FLI1: variants seen among roughly 807,000 people sequenced by gnomAD.
FLI1 encodes Friend leukemia integration 1 transcription factor.
FLI1 carries 13 observed loss-of-function variants against 53.1 expected under a neutral mutation model. The ratio of observed to expected loss-of-function variants is 0.24; its 90% confidence interval spans 0.16 to 0.39. The LOEUF (loss-of-function observed/expected upper bound fraction) is 0.39, where lower values mean the gene tolerates loss of function less well. Among genes scored for constraint, FLI1 ranks in the 10% least tolerant of loss-of-function variants. The pLI, the probability that FLI1 is intolerant of heterozygous loss-of-function variation, is 1.00. For synonymous variants in FLI1, 244 were observed against 236.7 expected, an observed-to-expected ratio of 1.03 and a Z score of -0.28; for missense variants, 424 against 600.5, an observed-to-expected ratio of 0.71 and a Z score of 3.07.
At chr11:128,708,673 C>T (rs957071097) in intron 1 of FLI1, among the ~76,000 whole-genome samples, 1 of 152,122 alleles carries the variant, frequency 6.6e-6, no homozygotes, top group Non-Finnish European at 1.5e-5. Flanking sequence ...TGAGTTTCTT[C>T]AAGAAAAGCG....
At chr11:128,754,145 T>C (rs1270815100) in intron 1 of FLI1, among the ~76,000 whole-genome samples, 1 of 152,188 alleles carries the variant, frequency 6.6e-6, no homozygotes, top group Non-Finnish European at 1.5e-5. Flanking sequence ...CTTCTCTCTC[T>C]TCACAGCCCC....
At chr11:128,777,204 C>A (rs1941757302) in intron 4 of FLI1, among the ~76,000 whole-genome samples, 1 of 152,200 alleles carries the variant, frequency 6.6e-6, no homozygotes, top group African/African-American at 2.4e-5. Context: ...GCAGTTCAGG[C>A]TCAGGGCCGC....
chr11:128,742,397 T>C (rs982386395), intron 1 of FLI1, among the ~76,000 whole-genome samples: 1 of 152,214 alleles, frequency 6.6e-6, no homozygotes, highest in Non-Finnish European at 1.5e-5. Context: ...GTGTGACAAA[T>C]CTGTTTTATG....
At chr11:128,737,459 G>A (rs766837761) in intron 1 of FLI1, among the ~76,000 whole-genome samples, 1 of 152,172 alleles carries the variant, frequency 6.6e-6, no homozygotes, top group African/African-American at 2.4e-5. Flanking sequence ...ATGAGTTCTA[G>A]AACTTGAACA....
Position 128,687,989 on chromosome 11 carries a change from G to T in FLI1, c.-203+1288G>T, listed in dbSNP as rs956140392. 4.6e-5 allele frequency among the ~76,000 whole-genome samples: 7 copies of T among 152,300 alleles called. No individual in the cohort carries two copies. The East Asian group carries it at 1.3e-3, about 29-fold the overall frequency. Reference sequence around the variant, plus strand: ...ATACTTTAAGGTTAGACTAAGGCGCGCACGGATTCGCTGTCCCCAGTTTTC... The same window carrying T: ...ATACTTTAAGGTTAGACTAAGGCGCTCACGGATTCGCTGTCCCCAGTTTTC... On this transcript the variant is annotated intron_variant, in intron 1 of 6. Transcript: ENST00000344954.
chr11:128,767,027 G>C lies in FLI1; in HGVS notation c.231-1091G>C, dbSNP rs148476777. Reference sequence around the variant, plus strand: ...TGAGCAGCGGGCACTGGGTGTGACAGGGTGGCACCTCCCCCAAGTATGCTG... The same window carrying C: ...TGAGCAGCGGGCACTGGGTGTGACACGGTGGCACCTCCCCCAAGTATGCTG... On this transcript the variant is annotated intron_variant, in intron 2 of 8. Transcript: ENST00000527786. Among the ~76,000 whole-genome samples the C allele has an allele frequency of 5.7e-3, 861 of 152,132 alleles. 6 individuals carry two copies. Among genetic ancestry groups the C allele is most frequent in the Non-Finnish European group, 7.7e-3 (526 of 67,974 alleles).
chr11:128,709,944 T>C (rs1376499321), intron 1 of FLI1, among the ~76,000 whole-genome samples: 1 of 152,224 alleles, frequency 6.6e-6, no homozygotes, highest in Non-Finnish European at 1.5e-5. Flanking sequence ...GTGTAAATGC[T>C]ACTAATAGGT....
intron 2 of FLI1, among the ~76,000 whole-genome samples, chr11:128,766,982 C>T (rs1297306564): frequency 9.1e-6 from 1 of 109,912 alleles, no homozygotes; most frequent in African/African-American, 2.7e-5. Context: ...CTCCTTTGGT[C>T]CTGCTGCTGC....
intron 3 of FLI1, among the ~76,000 whole-genome samples, chr11:128,770,867 T>TGA (rs962439830): frequency 6.6e-6 from 1 of 151,908 alleles, no homozygotes; most frequent in African/African-American, 2.4e-5. Flanking sequence ...GAAATGTATC[T>TGA]GAGAGAGAGA....
At chr11:128,721,239 T>A (rs1029657606) in intron 1 of FLI1, among the ~76,000 whole-genome samples, 2 of 152,200 alleles carry the variant, frequency 1.3e-5, no homozygotes, top group African/African-American at 4.8e-5. Flanking sequence ...TTGATTCACA[T>A]GGTGCCATCC....
intron 4 of FLI1, among the ~76,000 whole-genome samples, chr11:128,781,324 A>G (rs2246290): frequency 0.19 from 29,325 of 152,154 alleles, 4,605 homozygotes; most frequent in African/African-American, 0.43. Flanking sequence ...TAAACCCAGA[A>G]GATACCACAG....
intron 1 of FLI1, among the ~76,000 whole-genome samples, chr11:128,724,748 C>T (rs1420896747): frequency 6.6e-6 from 1 of 152,136 alleles, no homozygotes; most frequent in African/African-American, 2.4e-5. Context: ...CTAGGAGAGG[C>T]ACAAGGGTTT....
intron 5 of FLI1, among the ~76,000 whole-genome samples, chr11:128,783,172 A>G (rs1190877893): frequency 2.0e-5 from 3 of 152,214 alleles, no homozygotes; most frequent in African/African-American, 7.2e-5. Flanking sequence ...GATCAGTTAC[A>G]TATAGCACAG....
rs56310538 is a variant in FLI1 at position 128,703,864 on chromosome 11, C to CA, written c.18+9591dup. 1.8e-3 allele frequency among the ~76,000 whole-genome samples: 183 copies of CA among 104,214 alleles called. 2 individuals carry two copies. The highest frequency in any genetic ancestry group is 5.7e-3 in the African/African-American group (165 of 28,958). The allele number at this position is 104,214 out of a possible 152,430, so 68.4% of individuals were successfully genotyped here. A position where few individuals can be genotyped will look rare whatever the true frequency, so the allele number is the denominator to read the frequency against. On this transcript the variant is annotated intron_variant, in intron 1 of 8. Coordinates refer to ENST00000527786, the MANE Select transcript of FLI1 (RefSeq NM_002017.5). ...TCTCAAAAAAAAAAAAAAAAAAAAA[C>CA]AAACGTTAAGAGAGACACAGAAACA... is the stretch of plus-strand genomic sequence containing the variant.
At chr11:128,795,399 A>G (rs1356478268) in intron 5 of FLI1, among the ~76,000 whole-genome samples, 2 of 152,154 alleles carry the variant, frequency 1.3e-5, no homozygotes, top group Middle Eastern at 3.2e-3. Context: ...TTCAGTAAAT[A>G]CCATTGAATA....
chr11:128,764,784 G>A, intron 2 of FLI1: 1 of 1,593,280 alleles, frequency 6.3e-7, no homozygotes, highest in East Asian at 2.2e-5. Context: ...CTTGGGAGCT[G>A]CAAGAATGGA....
In FLI1 at chr11:128,788,874, C is replaced by G. The variant is rs116845149; in HGVS notation, c.655+6851C>G. On this transcript the variant is annotated intron_variant, in intron 5 of 8. Transcript: ENST00000527786. ...AGAATACCAGGCTGAGCCCTAAAACCATGGTGAACACAGCACACTACCTAC... is the reference window on the plus strand; with the variant it reads ...AGAATACCAGGCTGAGCCCTAAAACGATGGTGAACACAGCACACTACCTAC... 7.9e-5 allele frequency among the ~76,000 whole-genome samples: 12 copies of G among 152,226 alleles called. No homozygotes were observed. In the East Asian group the frequency reaches 2.3e-3, roughly 29 times the overall value.
intron 1 of FLI1, among the ~76,000 whole-genome samples, chr11:128,704,469 C>A (rs1162198763): frequency 6.6e-6 from 1 of 152,162 alleles, no homozygotes; most frequent in East Asian, 1.9e-4. Flanking sequence ...AATTTGGTCT[C>A]ATTTAAAACC....
chr11:128,732,002 C>CAAA (rs10641944), intron 1 of FLI1, among the ~76,000 whole-genome samples: 28 of 144,908 alleles, frequency 1.9e-4, no homozygotes, highest in African/African-American at 6.6e-4. Context: ...GACTCCATCT[C>CAAA]AAAAAAAAAA....
Sources: allele counts gnomAD v4.1 joint callset (sites outside exome capture counted in the v4.1 genomes callset), GRCh38; gene constraint gnomAD v4.1.1; transcripts MANE v1.5; gene names NCBI Gene and HGNC (gene_info 2026-07-23, HGNC 2026-07-21).